The following LRFN2 variants were observed in gnomAD, a reference collection of about 807,000 sequenced individuals.
The protein encoded by LRFN2 is leucine-rich repeat and fibronectin type-III domain-containing protein 2.
A neutral mutation model predicts 37.3 loss-of-function variants in LRFN2; 18 were observed. The observed-to-expected ratio is 0.48, with a 90% CI of 0.33 to 0.72. The LOEUF (loss-of-function observed/expected upper bound fraction) is 0.72, where lower values mean the gene tolerates loss of function less well. Ranked by LOEUF, LRFN2 falls within the 30% of genes least tolerant of loss-of-function variation. The probability of loss-of-function intolerance (pLI) is 0.02; values close to 1 mark genes in which losing one functional copy is unlikely to be tolerated. For missense variants in LRFN2, 1,006 were observed against 1,060.7 expected, an observed-to-expected ratio of 0.95 and a Z score of 0.72; for synonymous variants, 556 against 466.6, an observed-to-expected ratio of 1.19 and a Z score of -2.47.
chr6:40,564,343 T>G (rs1767051654), intron 1 of LRFN2, among the ~76,000 whole-genome samples: 1 of 152,192 alleles, frequency 6.6e-6, no homozygotes, highest in Non-Finnish European at 1.5e-5. Flanking sequence ...TGCTAGGTGC[T>G]GCTTTTCTGC....
intron 2 of LRFN2, among the ~76,000 whole-genome samples, chr6:40,399,345 C>T (rs1334868103): frequency 1.3e-5 from 2 of 151,610 alleles, no homozygotes; most frequent in Non-Finnish European, 2.9e-5. Context: ...TGCTCACTGC[C>T]CCCACCTGTT....
chr6:40,449,101 CA>C (rs1444997148), intron 1 of LRFN2, among the ~76,000 whole-genome samples: 4 of 152,152 alleles, frequency 2.6e-5, no homozygotes, highest in Non-Finnish European at 5.9e-5. Context: ...CCCAATTGCA[CA>C]TGGTGAATAT....
intron 1 of LRFN2, among the ~76,000 whole-genome samples, chr6:40,549,835 C>A (rs665700): frequency 0.12 from 18,468 of 152,046 alleles, 1,395 homozygotes; most frequent in Non-Finnish European, 0.16. Context: ...GTAAGGAGTT[C>A]AAAACCAGCC....
rs541717342 is a variant in LRFN2, at chr6:40,483,961, C to T, written c.-18-50830G>A. Among the ~76,000 whole-genome samples the T allele has an allele frequency of 2.6e-5, 4 of 152,314 alleles. No individual in the cohort carries two copies. In the East Asian group the frequency reaches 7.7e-4, roughly 29 times the overall value. Reference sequence around the variant, plus strand: ...ATTCCTGGCTCAGAGAGAATAGCCGCCTCTGTCCCCTCTCCCTGCCAGGAG... The same window carrying T: ...ATTCCTGGCTCAGAGAGAATAGCCGTCTCTGTCCCCTCTCCCTGCCAGGAG... On this transcript the variant is annotated intron_variant, in intron 1 of 2. Transcript: ENST00000338305.
In LRFN2 at chr6:40,432,887, G is replaced by C. The variant is rs1339295764; in HGVS notation, c.227C>G (p.Thr76Arg). The change falls in exon 2 of 3, where the codon ACG becomes AGG. Residue 76 changes from threonine to arginine, a missense_variant. Around this residue, in one of 4 missense-constraint regions of LRFN2, gnomAD observed 185 missense variants for 254.9 expected, o/e 0.73. Coordinates refer to ENST00000338305, the MANE Select transcript of LRFN2 (RefSeq NM_020737.3). ...HISRQDFANM[T>R]GLVDLTLSRN... ...GGACAGGGTCAGGTCCACCAGCCCC[G>C]TCATGTTGGCAAAGTCCTGGCGGCT... The C allele has an allele frequency of 1.2e-6, 2 of 1,614,106 alleles. No individual in the cohort carries two copies. The highest frequency in any genetic ancestry group is 1.7e-6 in the Non-Finnish European group (2 of 1,180,050).
chr6:40,456,353 AGAG>A (rs1764235002), intron 1 of LRFN2, among the ~76,000 whole-genome samples: 1 of 152,258 alleles, frequency 6.6e-6, no homozygotes, highest in Admixed American at 6.5e-5. Flanking sequence ...TTAGAAAGCC[AGAG>A]GAGAAGGACA....
chr6:40,421,219 GA>G (rs1763221596), intron 2 of LRFN2, among the ~76,000 whole-genome samples: 1 of 152,186 alleles, frequency 6.6e-6, no homozygotes, highest in African/African-American at 2.4e-5. Flanking sequence ...CCTCCTTCTG[GA>G]ATGCTTTGAC....
intron 1 of LRFN2, among the ~76,000 whole-genome samples, chr6:40,497,504 C>CTG (rs561366644): frequency 8.9e-4 from 135 of 152,338 alleles, no homozygotes; most frequent in Non-Finnish European, 6.8e-4. Flanking sequence ...TATAAGCACT[C>CTG]TGTTTTCTTC....
intron 2 of LRFN2, among the ~76,000 whole-genome samples, chr6:40,399,956 G>A (rs1212906152): frequency 2.0e-5 from 3 of 151,746 alleles, no homozygotes; most frequent in Non-Finnish European, 4.4e-5. Context: ...CAGCTTCTCG[G>A]AATCACTCAT....
chr6:40,425,559 A>G (rs1763333091), intron 2 of LRFN2, among the ~76,000 whole-genome samples: 1 of 152,054 alleles, frequency 6.6e-6, no homozygotes, highest in Non-Finnish European at 1.5e-5. Flanking sequence ...CCCTCTCCCA[A>G]ACTTCCCCTA....
intron 1 of LRFN2, among the ~76,000 whole-genome samples, chr6:40,478,562 G>A (rs538329203): frequency 3.3e-5 from 5 of 152,232 alleles, no homozygotes; most frequent in Admixed American, 6.5e-5. Flanking sequence ...CACTGATGGA[G>A]TGAGAGCAAC....
chr6:40,459,262 G>C (rs1197723947), intron 1 of LRFN2, among the ~76,000 whole-genome samples: 1 of 152,074 alleles, frequency 6.6e-6, no homozygotes, highest in African/African-American at 2.4e-5. Flanking sequence ...CTTTACCTTG[G>C]CCACCACATT....
intron 1 of LRFN2, among the ~76,000 whole-genome samples, chr6:40,576,222 T>A (rs1426417819): frequency 6.6e-6 from 1 of 152,074 alleles, no homozygotes; most frequent in Non-Finnish European, 1.5e-5. Context: ...ATATAATGCA[T>A]CCTCCAATAA....
intron 1 of LRFN2, among the ~76,000 whole-genome samples, chr6:40,534,927 T>C (rs970716747): frequency 2.0e-5 from 3 of 152,172 alleles, no homozygotes; most frequent in African/African-American, 7.2e-5. Context: ...ATGAGGCGCC[T>C]GAGGCTCAGA....
intron 1 of LRFN2, among the ~76,000 whole-genome samples, chr6:40,467,446 T>C (rs1215514786): frequency 1.3e-5 from 2 of 151,908 alleles, no homozygotes; most frequent in African/African-American, 4.8e-5. Context: ...CCTCCTCCAA[T>C]TGCGCTCCCT....
intron 1 of LRFN2, among the ~76,000 whole-genome samples, chr6:40,490,790 C>G (rs1222041077): frequency 7.9e-5 from 12 of 152,238 alleles, no homozygotes; most frequent in Non-Finnish European, 1.8e-4. Flanking sequence ...TAAGCTCCTG[C>G]TACTGCCAAC....
chr6:40,431,882 C>T lies in LRFN2; in HGVS notation c.1232G>A (p.Gly411Asp). The T allele has an allele frequency of 6.2e-7, 1 of 1,606,470 alleles. No homozygotes were observed. The highest frequency in any genetic ancestry group is 1.3e-5 in the African/African-American group (1 of 75,010). ...TTTGGGAGGCTCTCCGCCCCCACTG[C>T]CTCCACCTCCCCGGCTGGTCTTGCT... ...GSSKTSRGGG[G>D]SGGGEPPKSP... Residue 411 changes from glycine to aspartate, a missense_variant, in exon 2 of 3, where the codon GGC becomes GAC. By Grantham distance (94) the Gly-to-Asp change is moderately conservative. Transcript: ENST00000338305.
chr6:40,468,299 T>A (rs941001253), intron 1 of LRFN2, among the ~76,000 whole-genome samples: 1 of 152,120 alleles, frequency 6.6e-6, no homozygotes, highest in Non-Finnish European at 1.5e-5. Flanking sequence ...GATCCAGGCC[T>A]CATTAGCTGT....
chr6:40,440,373 G>A (rs1238383902), intron 1 of LRFN2, among the ~76,000 whole-genome samples: 1 of 152,122 alleles, frequency 6.6e-6, no homozygotes, highest in East Asian at 1.9e-4. Context: ...TGTGCACCTG[G>A]GAACCCCTTC....
Sources: allele counts gnomAD v4.1 joint callset (sites outside exome capture counted in the v4.1 genomes callset), GRCh38; gene constraint gnomAD v4.1.1; regional missense constraint gnomAD v4.1.1; transcripts MANE v1.5; gene names NCBI Gene and HGNC (gene_info 2026-07-23, HGNC 2026-07-21).